Variants in COL19A1 observed in about 807,000 individuals in gnomAD.
COL19A1 encodes the protein collagen alpha-1(XIX) chain.
A neutral mutation model predicts 190.2 loss-of-function variants in COL19A1; 159 were observed. That is an observed-to-expected ratio of 0.84 (90% CI 0.73 to 0.95). The LOEUF (loss-of-function observed/expected upper bound fraction) is 0.95. Among genes scored for constraint, COL19A1 ranks in the 40% least tolerant of loss-of-function variants. The probability of loss-of-function intolerance (pLI) is 0.00; values close to 1 mark genes in which losing one functional copy is unlikely to be tolerated. For synonymous variants in COL19A1, 509 were observed against 458.9 expected (o/e 1.11, Z -1.39); for missense variants, 1,418 against 1,431.9 (o/e 0.99, Z 0.16).
At chr6:69,978,586 G>T (rs1322878227) in intron 11 of COL19A1, among the ~76,000 whole-genome samples, 1 of 151,650 alleles carries the variant, frequency 6.6e-6, no homozygotes, top group Non-Finnish European at 1.5e-5. Context: ...CATATCAAAA[G>T]CTATAATGAA....
At position 70,022,913 on chromosome 6, in the gene COL19A1, A is replaced by C. The variant is rs567083214; in HGVS notation, c.1027-714A>C. On this transcript the variant is annotated intron_variant, in intron 11 of 50. Coordinates refer to ENST00000620364, the MANE Select transcript of COL19A1 (RefSeq NM_001858.6). ...ATTACACTCTACATTTAGTGCCTAA[A>C]ATTTTTCATCTCTGATTTTTTCATT... 2.8e-4 allele frequency among the ~76,000 whole-genome samples: 42 copies of C among 152,102 alleles called. 1 individual carries two copies. In the Middle Eastern group the frequency reaches 0.01, roughly 37 times the overall value.
rs1017983009 is a variant in COL19A1, at chr6:69,898,824, C to A, written c.92-124C>A. ...CTGAGGTGGTTAATGTTCTTATCCTCATTTTACAGAAATTTAATAAATGGT... is the reference window on the plus strand; with the variant it reads ...CTGAGGTGGTTAATGTTCTTATCCTAATTTTACAGAAATTTAATAAATGGT... On this transcript the variant is annotated intron_variant, in intron 2 of 50. Coordinates refer to ENST00000620364, the MANE Select transcript of COL19A1 (RefSeq NM_001858.6). The A allele has an allele frequency of 1.9e-5, 12 of 645,558 alleles. No homozygotes were observed. In the South Asian group the frequency reaches 2.7e-4, roughly 14 times the overall value. The allele number at this position is 645,558 out of a possible 1,614,324, so 40.0% of individuals were successfully genotyped here. A position where few individuals can be genotyped will look rare whatever the true frequency, so the allele number is the denominator to read the frequency against.
At chr6:70,197,154 C>T (rs964211457) in intron 48 of COL19A1, among the ~76,000 whole-genome samples, 3 of 151,934 alleles carry the variant, frequency 2.0e-5, no homozygotes, top group African/African-American at 7.3e-5. Context: ...GTCTCAGTGG[C>T]TCACGCCTGT....
At chr6:70,202,463 G>A (rs1046020292) in intron 49 of COL19A1, among the ~76,000 whole-genome samples, 1 of 152,022 alleles carries the variant, frequency 6.6e-6, no homozygotes, top group African/African-American at 2.4e-5. Context: ...ACAATTTGAC[G>A]ATATATATCA....
At chr6:69,975,636 C>T (rs1299877291) in intron 11 of COL19A1, among the ~76,000 whole-genome samples, 4 of 152,126 alleles carry the variant, frequency 2.6e-5, no homozygotes, top group East Asian at 1.9e-4. Flanking sequence ...TGTTTGTTAA[C>T]GTTAAACTTT....
At position 70,144,943 on chromosome 6, in the gene COL19A1, C is replaced by G. The variant is rs1457255793; in HGVS notation, c.1706C>G (p.Pro569Arg). ...GGAGATCCGGGTGGGATCATAGGCC[C>G]TCCCGGGCTTCCAGGTCCAAAAGGT... ...EKGDPGGIIG[P>R]PGLPGPKGEA... Residue 569 changes from proline (P) to arginine (R), a missense_variant, in exon 25 of 51, where the codon CCT (proline) becomes CGT (arginine). Transcript: ENST00000620364. 3.1e-6 allele frequency: 5 copies of G among 1,587,396 alleles called. No individual in the cohort carries two copies. The highest frequency in any genetic ancestry group is 1.7e-5 in the Admixed American group (1 of 57,380).
intron 15 of COL19A1, chr6:70,098,453 C>A: frequency 2.0e-6 from 1 of 511,412 alleles, no homozygotes; most frequent in South Asian, 1.4e-5. Context: ...TTCTCAGAAT[C>A]CACGCCTGAA....
At chr6:70,205,400 G>A (rs181582388) in intron 49 of COL19A1, among the ~76,000 whole-genome samples, 98 of 152,238 alleles carry the variant, frequency 6.4e-4, no homozygotes, top group Middle Eastern at 3.4e-3. Context: ...ACTGTTCATA[G>A]GGAGCATTAC....
chr6:70,019,624 C>T (rs1778307441), intron 11 of COL19A1, among the ~76,000 whole-genome samples: 1 of 152,022 alleles, frequency 6.6e-6, no homozygotes, highest in Non-Finnish European at 1.5e-5. Context: ...ATCTAATTCC[C>T]ATGCATTCTT....
intron 16 of COL19A1, among the ~76,000 whole-genome samples, chr6:70,109,541 A>AGTGT (rs60219800): frequency 0.021 from 2,952 of 143,934 alleles, 69 homozygotes; most frequent in African/African-American, 0.061. Flanking sequence ...CCGTTTTGTA[A>AGTGT]GTGTGTGTGT....
intron 12 of COL19A1, among the ~76,000 whole-genome samples, chr6:70,027,423 TC>T (rs1471751510): frequency 6.6e-6 from 1 of 152,198 alleles, no homozygotes; most frequent in African/African-American, 2.4e-5. Context: ...CAGTTCTTTT[TC>T]AAGTCAGACT....
intron 4 of COL19A1, among the ~76,000 whole-genome samples, chr6:69,923,635 A>C (rs1772150131): frequency 6.6e-6 from 1 of 152,168 alleles, no homozygotes; most frequent in Admixed American, 6.6e-5. Context: ...AAAACTGGGG[A>C]AGAAGACATC....
At chr6:70,125,546 C>G (rs1412089313) in intron 17 of COL19A1, among the ~76,000 whole-genome samples, 2 of 151,668 alleles carry the variant, frequency 1.3e-5, no homozygotes, top group Non-Finnish European at 2.9e-5. Context: ...GAGAAACCCT[C>G]TCTCCTCACA....
chr6:69,955,605 G>A (rs942771595), intron 9 of COL19A1, among the ~76,000 whole-genome samples: 7 of 151,102 alleles, frequency 4.6e-5, no homozygotes, highest in Admixed American at 2.6e-4. Context: ...GTCCTGTTCT[G>A]TATTCTATGT....
chr6:70,031,794 A>AC (rs1282788232), intron 12 of COL19A1, among the ~76,000 whole-genome samples: 1 of 151,778 alleles, frequency 6.6e-6, no homozygotes, highest in South Asian at 2.1e-4. Flanking sequence ...CATTTCTGAC[A>AC]CCCCCCTTGA....
intron 1 of COL19A1, among the ~76,000 whole-genome samples, chr6:69,868,121 T>C (rs1286288628): frequency 7.0e-6 from 1 of 143,438 alleles, no homozygotes; most frequent in Non-Finnish European, 1.5e-5. Context: ...CCACCACCCC[T>C]CCCCAAAAAG....
chr6:70,087,382 C>G (rs956807530), intron 15 of COL19A1, among the ~76,000 whole-genome samples: 4 of 151,980 alleles, frequency 2.6e-5, no homozygotes, highest in Admixed American at 6.6e-5. Context: ...TAGATGAGGG[C>G]CATGTGAAAA....
chr6:70,132,223 C>A (rs990612280), intron 18 of COL19A1, among the ~76,000 whole-genome samples: 3 of 152,052 alleles, frequency 2.0e-5, no homozygotes, highest in African/African-American at 4.8e-5. Flanking sequence ...TATAGTGATA[C>A]CCCATCCCTA....
At chr6:70,010,449 C>T (rs1331654617) in intron 11 of COL19A1, among the ~76,000 whole-genome samples, 3 of 145,670 alleles carry the variant, frequency 2.1e-5, no homozygotes, top group Non-Finnish European at 3.0e-5. Context: ...TCTGAGGTAC[C>T]GGGTTCATCT....
Sources: gnomAD v4.1 joint callset for allele counts (sites outside exome capture counted in the v4.1 genomes callset) on GRCh38, gnomAD v4.1.1 for gene constraint, MANE v1.5 for transcripts, NCBI Gene and HGNC (gene_info 2026-07-23, HGNC 2026-07-21) for gene names.